NRP1: variants seen among roughly 807,000 people sequenced by gnomAD.
The protein encoded by NRP1 is neuropilin 1.
NRP1 carries 35 observed loss-of-function variants against 106.7 expected under a neutral mutation model. The observed-to-expected ratio is 0.33, with a 90% confidence interval of 0.25 to 0.43. The LOEUF (loss-of-function observed/expected upper bound fraction) is 0.43. Ranked by LOEUF, NRP1 falls within the 20% of genes least tolerant of loss-of-function variation. NRP1 has a pLI of 1.00. For missense variants in NRP1, 1,024 were observed against 1,170.4 expected (o/e 0.87, Z 1.83); for synonymous variants, 437 against 417.9 (o/e 1.05, Z -0.56).
intron 6 of NRP1, among the ~76,000 whole-genome samples, chr10:33,245,534 G>A (rs1168846775): frequency 6.6e-6 from 1 of 152,222 alleles, no homozygotes. Flanking sequence ...TTGCCAGTCA[G>A]CAAATAAGTA....
At chr10:33,193,266 C>G (rs1166676620) in intron 12 of NRP1, among the ~76,000 whole-genome samples, 2 of 152,158 alleles carry the variant, frequency 1.3e-5, no homozygotes, top group African/African-American at 2.4e-5. Flanking sequence ...TTAAAACCCA[C>G]AGCCTGACAT....
At chr10:33,225,823 A>C (rs1839616930) in intron 7 of NRP1, among the ~76,000 whole-genome samples, 2 of 152,204 alleles carry the variant, frequency 1.3e-5, no homozygotes, top group African/African-American at 4.8e-5. Flanking sequence ...CAAATTCCTA[A>C]GGTTCTAAGA....
At chr10:33,302,320 T>C (rs1328438808) in intron 2 of NRP1, among the ~76,000 whole-genome samples, 2 of 152,210 alleles carry the variant, frequency 1.3e-5, no homozygotes, top group Non-Finnish European at 2.9e-5. Flanking sequence ...ATATGCAGTT[T>C]CCATCCTGGT....
intron 14 of NRP1, 82 bp downstream of exon 14, chr10:33,186,135 T>A (rs1835989567): frequency 1.7e-5 from 25 of 1,472,014 alleles, no homozygotes; most frequent in Non-Finnish European, 2.3e-5. Flanking sequence ...ATAATTCCCA[T>A]GTCTCATTTG....
In NRP1 at chr10:33,208,899, C is replaced by CTTT. The variant is rs11310131; in HGVS notation, c.1615-1186_1615-1184dup. 4.0e-3 allele frequency among the ~76,000 whole-genome samples: 343 copies of CTTT among 85,266 alleles called. 3 individuals carry two copies. Among genetic ancestry groups the CTTT allele is most frequent in the African/African-American group, 5.4e-3 (115 of 21,370 alleles). 55.9% of individuals were successfully genotyped at this position (85,266 alleles called of 152,430 possible). ...ATAAAATGGTCCATTTTAGAGCAGCCTTTTTTTTTTTTTTTTTTTTTTTTT... is the reference window on the plus strand; with the variant it reads ...ATAAAATGGTCCATTTTAGAGCAGCCTTTTTTTTTTTTTTTTTTTTTTTTTTTT... On this transcript the variant is annotated intron_variant, in intron 9 of 16. Transcript: ENST00000374867.
At chr10:33,205,491 G>A (rs577701511) in intron 10 of NRP1, 1 of 152,354 alleles carries the variant, frequency 6.6e-6, no homozygotes, top group East Asian at 1.9e-4. Flanking sequence ...CAACTGTATG[G>A]GAGATGGGGG....
chr10:33,237,962 CACAA>C (rs1840716046), intron 6 of NRP1, among the ~76,000 whole-genome samples: 1 of 152,184 alleles, frequency 6.6e-6, no homozygotes, highest in African/African-American at 2.4e-5. Flanking sequence ...CACAAATGCA[CACAA>C]ACACTTTTGT....
chr10:33,219,306 G>A (rs772243826), intron 8 of NRP1, among the ~76,000 whole-genome samples: 1 of 152,148 alleles, frequency 6.6e-6, no homozygotes, highest in Non-Finnish European at 1.5e-5. Flanking sequence ...TCCATGGTCC[G>A]TCATGCATAC....
chr10:33,214,687 G>A (rs1168517400), intron 8 of NRP1, among the ~76,000 whole-genome samples: 1 of 152,136 alleles, frequency 6.6e-6, no homozygotes, highest in African/African-American at 2.4e-5. Flanking sequence ...CCACTGCTAA[G>A]TGAAAGAAGC....
chr10:33,309,303 G>A (rs2132767867), intron 2 of NRP1, among the ~76,000 whole-genome samples: 1 of 152,310 alleles, frequency 6.6e-6, no homozygotes, highest in African/African-American at 2.4e-5. Context: ...GGCTACATAA[G>A]TTTTCCAAGT....
intron 13 of NRP1, among the ~76,000 whole-genome samples, chr10:33,188,988 T>A (rs1051267539): frequency 6.7e-6 from 1 of 150,018 alleles, no homozygotes; most frequent in Non-Finnish European, 1.5e-5. Context: ...CAGAGGCTGC[T>A]CACTGCCTGC....
chr10:33,190,258 C>G (rs980433402), intron 13 of NRP1, among the ~76,000 whole-genome samples: 1 of 152,212 alleles, frequency 6.6e-6, no homozygotes, highest in Non-Finnish European at 1.5e-5. Context: ...ATGTCAGATC[C>G]TACTGAGCCA....
At chr10:33,187,538 G>A (rs961855422) in intron 13 of NRP1, among the ~76,000 whole-genome samples, 7 of 152,114 alleles carry the variant, frequency 4.6e-5, no homozygotes, top group African/African-American at 9.7e-5. Context: ...TCATTAGAAC[G>A]TGCCATTTTG....
In NRP1 at chr10:33,178,798, T is replaced by C. The variant is rs1002688656; in HGVS notation, c.*1278A>G. 5 of 152,628 alleles carry C rather than the reference T, an allele frequency of 3.3e-5. No individual in the cohort carries two copies. The highest frequency in any genetic ancestry group is 7.2e-5 in the African/African-American group (3 of 41,446). 9.5% of individuals were successfully genotyped at this position (152,628 alleles called of 1,614,324 possible). ...CTATCAAAGGTCATTTTGAATAGAA[T>C]AGATAAGGAAAAAAGATACTGTCAC... On this transcript the variant is annotated 3_prime_UTR_variant, in exon 17 of 17. Coordinates refer to ENST00000374867, the MANE Select transcript of NRP1 (RefSeq NM_003873.7).
At chr10:33,226,568 C>G (rs1386060617) in intron 6 of NRP1, among the ~76,000 whole-genome samples, 1 of 152,204 alleles carries the variant, frequency 6.6e-6, no homozygotes, top group Non-Finnish European at 1.5e-5. Flanking sequence ...ACCTGAAAAA[C>G]TAGTTCAGGC....
rs762815615 is a variant in NRP1 at position 33,213,575 on chromosome 10, G to A, written c.1425C>T (p.Pro475=). The A allele has an allele frequency of 1.1e-5, 18 of 1,614,072 alleles. No individual in the cohort carries two copies. Among genetic ancestry groups the A allele is most frequent in the South Asian group, 5.5e-5 (5 of 91,058 alleles). Residue 475 remains proline (P), a synonymous_variant, in exon 9 of 17, where the codon CCC becomes CCT. Transcript: ENST00000374867. ...VTSRSGWALP[P]APHSYINEWL... ...ACTCATTGATGTAGGAATGAGGTGCGGGTGGAAGTGCCCAGCCAGAGCGAC... is the reference window on the plus strand; with the variant it reads ...ACTCATTGATGTAGGAATGAGGTGCAGGTGGAAGTGCCCAGCCAGAGCGAC...
intron 2 of NRP1, among the ~76,000 whole-genome samples, chr10:33,302,019 G>C (rs1845835567): frequency 6.6e-6 from 1 of 152,148 alleles, no homozygotes. Flanking sequence ...GAGAGCAAGA[G>C]ACAGAGAGAG....
At chr10:33,306,919 C>G (rs1242576573) in intron 2 of NRP1, among the ~76,000 whole-genome samples, 1 of 152,156 alleles carries the variant, frequency 6.6e-6, no homozygotes, top group Admixed American at 6.5e-5. Context: ...GGGAGTTGGA[C>G]TGAATTTCTC....
chr10:33,273,961 GA>G (rs1681059903), intron 2 of NRP1, among the ~76,000 whole-genome samples: 2 of 152,004 alleles, frequency 1.3e-5, no homozygotes, highest in African/African-American at 4.8e-5. Context: ...ACCACCCTCG[GA>G]ATGTAAACAT....
Sources: gnomAD v4.1 joint callset for allele counts (sites outside exome capture counted in the v4.1 genomes callset) on GRCh38, gnomAD v4.1.1 for gene constraint, MANE v1.5 for transcripts, NCBI Gene and HGNC (gene_info 2026-07-23, HGNC 2026-07-21) for gene names.